The following GALNTL6 variants were observed in gnomAD, a reference collection of about 807,000 sequenced individuals.
GALNTL6 encodes the protein polypeptide N-acetylgalactosaminyltransferase-like 6.
In GALNTL6, 46 loss-of-function variants were observed where a neutral mutation model predicts 73.7. That is an observed-to-expected ratio of 0.62 (90% CI 0.49 to 0.80). GALNTL6 has a LOEUF of 0.80. Ranked by LOEUF, GALNTL6 falls within the 30% of genes least tolerant of loss-of-function variation. The pLI, the probability that GALNTL6 is intolerant of heterozygous loss-of-function variation, is 0.00. For synonymous variants in GALNTL6, 259 were observed against 263.7 expected (o/e 0.98, Z 0.17); for missense variants, 604 against 755.0 (o/e 0.80, Z 2.34).
chr4:172,381,644 TG>T (rs1430185871), intron 5 of GALNTL6, among the ~76,000 whole-genome samples: 1 of 152,246 alleles, frequency 6.6e-6, no homozygotes, highest in Non-Finnish European at 1.5e-5. Context: ...AAATATTATA[TG>T]GATATATCAC....
intron 2 of GALNTL6, among the ~76,000 whole-genome samples, chr4:171,889,333 CTTCAGTCT>C (rs1246102720): frequency 1.3e-5 from 2 of 152,002 alleles, no homozygotes; most frequent in Non-Finnish European, 2.9e-5. Flanking sequence ...GTAAGCATTG[CTTCAGTCT>C]TTCATTGACC....
At chr4:172,648,470 ATCCTT>A (rs1473119256) in intron 5 of GALNTL6, among the ~76,000 whole-genome samples, 1 of 152,186 alleles carries the variant, frequency 6.6e-6, no homozygotes, top group Non-Finnish European at 1.5e-5. Context: ...TTTTCAGAAA[ATCCTT>A]TATGAATATG....
At chr4:172,018,619 C>G (rs1349103303) in intron 2 of GALNTL6, among the ~76,000 whole-genome samples, 1 of 152,018 alleles carries the variant, frequency 6.6e-6, no homozygotes, top group Non-Finnish European at 1.5e-5. Flanking sequence ...CAGAACAGCC[C>G]CAGGCCATAA....
At chr4:172,722,852 A>C (rs2111363039) in intron 5 of GALNTL6, among the ~76,000 whole-genome samples, 1 of 152,314 alleles carries the variant, frequency 6.6e-6, no homozygotes, top group South Asian at 2.1e-4. Flanking sequence ...TTTCTGCATA[A>C]GTTTTCTATT....
intron 5 of GALNTL6, among the ~76,000 whole-genome samples, chr4:172,561,059 C>A (rs1055270279): frequency 1.1e-4 from 17 of 151,606 alleles, no homozygotes; most frequent in Non-Finnish European, 2.5e-4. Flanking sequence ...CGAGACCATC[C>A]TGGCTAACAA....
chr4:172,580,217 G>A (rs1386204436), intron 5 of GALNTL6, among the ~76,000 whole-genome samples: 1 of 152,050 alleles, frequency 6.6e-6, no homozygotes, highest in Admixed American at 6.6e-5. Flanking sequence ...AAACAGCAAA[G>A]TACAAATCAG....
intron 8 of GALNTL6, among the ~76,000 whole-genome samples, chr4:172,886,285 A>G (rs1745713504): frequency 1.3e-5 from 2 of 152,174 alleles, no homozygotes. Context: ...TGTATTTACA[A>G]GAATTTATCT....
chr4:171,843,740 T>C (rs1285350395), intron 2 of GALNTL6, among the ~76,000 whole-genome samples: 1 of 152,062 alleles, frequency 6.6e-6, no homozygotes, highest in African/African-American at 2.4e-5. Context: ...CCAAAAAAAA[T>C]TCCAAGCAAA....
chr4:172,120,299 A>G (rs1043135116), intron 2 of GALNTL6, among the ~76,000 whole-genome samples: 2 of 152,134 alleles, frequency 1.3e-5, no homozygotes, highest in African/African-American at 4.8e-5. Flanking sequence ...TGGGGGTCAG[A>G]AGTTTAAAAT....
At chr4:172,994,716 A>G (rs1751698329) in intron 10 of GALNTL6, among the ~76,000 whole-genome samples, 1 of 152,172 alleles carries the variant, frequency 6.6e-6, no homozygotes, top group South Asian at 2.1e-4. Context: ...CTTCCTTAGA[A>G]GACCGGCTAT....
chr4:172,056,423 A>T (rs533583769), intron 2 of GALNTL6, among the ~76,000 whole-genome samples: 1 of 152,236 alleles, frequency 6.6e-6, no homozygotes, highest in South Asian at 2.1e-4. Context: ...TGCTACAAAC[A>T]ACTCTCTCCT....
At chr4:172,883,563 G>A (rs1745567744) in intron 8 of GALNTL6, among the ~76,000 whole-genome samples, 1 of 152,098 alleles carries the variant, frequency 6.6e-6, no homozygotes, top group Admixed American at 6.6e-5. Context: ...CACCAGCAAG[G>A]GGATGGCGCT....
intron 3 of GALNTL6, among the ~76,000 whole-genome samples, chr4:172,301,761 G>T (rs913329272): frequency 6.6e-6 from 1 of 152,294 alleles, no homozygotes; most frequent in South Asian, 2.1e-4. Context: ...GGCCATGTGA[G>T]GTGTCAGTCT....
intron 5 of GALNTL6, among the ~76,000 whole-genome samples, chr4:172,353,727 A>ATG (rs1237571090): frequency 6.6e-6 from 1 of 151,842 alleles, no homozygotes; most frequent in Admixed American, 6.6e-5. Context: ...ATATATATAT[A>ATG]TGTGTATATA....
chr4:171,887,092 A>T (rs1477696181), intron 2 of GALNTL6, among the ~76,000 whole-genome samples: 1 of 152,166 alleles, frequency 6.6e-6, no homozygotes, highest in Non-Finnish European at 1.5e-5. Flanking sequence ...AGTTGCCTGC[A>T]TCTGGTAAGG....
chr4:172,998,515 G>A (rs1262880624), intron 10 of GALNTL6, among the ~76,000 whole-genome samples: 1 of 152,090 alleles, frequency 6.6e-6, no homozygotes, highest in African/African-American at 2.4e-5. Context: ...CTTCTTGAAA[G>A]AGAAACTTCC....
At chr4:172,877,554 T>C (rs765570403) in intron 7 of GALNTL6, among the ~76,000 whole-genome samples, 3 of 151,996 alleles carry the variant, frequency 2.0e-5, no homozygotes, top group African/African-American at 4.8e-5. Flanking sequence ...TATAGCCTCA[T>C]TAATTTAAAA....
chr4:172,316,645 C>A (rs1056825141), intron 4 of GALNTL6, among the ~76,000 whole-genome samples: 1 of 152,172 alleles, frequency 6.6e-6, no homozygotes, highest in Non-Finnish European at 1.5e-5. Flanking sequence ...TTATACCAGA[C>A]TAATGTAGTC....
chr4:172,054,899 C>T (rs373428747), intron 2 of GALNTL6, among the ~76,000 whole-genome samples: 5 of 152,066 alleles, frequency 3.3e-5, no homozygotes, highest in Non-Finnish European at 7.4e-5. Context: ...CTTTTGATAA[C>T]GGAGAATGGA....
Sources: gnomAD v4.1 joint callset for allele counts (sites outside exome capture counted in the v4.1 genomes callset) on GRCh38, gnomAD v4.1.1 for gene constraint, MANE v1.5 for transcripts, NCBI Gene and HGNC (gene_info 2026-07-23, HGNC 2026-07-21) for gene names.